Variants in TRPM2 observed in about 807,000 individuals in gnomAD.
The protein encoded by TRPM2 is estrogen-responsive element-associated gene 1 protein.
In TRPM2, 161 loss-of-function variants were observed where a neutral mutation model predicts 174.0. The ratio of observed to expected loss-of-function variants is 0.93; its 90% CI spans 0.81 to 1.05. The LOEUF is 1.05. Ranked by LOEUF, TRPM2 falls within the 50% of genes least tolerant of loss-of-function variation. The pLI, the probability that TRPM2 is intolerant of heterozygous loss-of-function variation, is 0.00. For synonymous variants in TRPM2, 954 were observed against 861.3 expected, an observed-to-expected ratio of 1.11 and a Z score of -1.88; for missense variants, 2,057 against 2,038.0, an observed-to-expected ratio of 1.01 and a Z score of -0.18.
At position 44,429,037 on chromosome 21, in the gene TRPM2, A is replaced by G. The variant is rs75780517; in HGVS notation, c.3974+1926A>G. Among the ~76,000 whole-genome samples the G allele has an allele frequency of 7.2e-3, 1,093 of 152,356 alleles. 12 individuals carry two copies. Among genetic ancestry groups the G allele is most frequent in the Non-Finnish European group, 8.5e-3 (581 of 68,030 alleles). ...TTTAAAAGCCAGTTTTTCTAGCTCC[A>G]TGACAAATCCATTGATAAGAATTGT... is the stretch of plus-strand genomic sequence containing the variant. On this transcript the variant is annotated intron_variant, in intron 27 of 31. Coordinates refer to ENST00000397928, the MANE Select transcript of TRPM2 (RefSeq NM_003307.4).
At chr21:44,378,728 T>C (rs1355384836) in intron 7 of TRPM2, among the ~76,000 whole-genome samples, 2 of 152,220 alleles carry the variant, frequency 1.3e-5, no homozygotes, top group Non-Finnish European at 2.9e-5. Flanking sequence ...CCCTCACGTC[T>C]GCAGGTCCAT....
At chr21:44,382,915 A>G (rs748098612) in intron 9 of TRPM2, 95 bp downstream of exon 9, 8 of 1,265,938 alleles carry the variant, frequency 6.3e-6, no homozygotes, top group Non-Finnish European at 8.9e-6. Context: ...TGATTCTGGG[A>G]ACCAGAATAT....
chr21:44,426,915 G>A (rs1317106336), intron 26 of TRPM2, 95 bp from the exon 27 acceptor site: 16 of 1,401,246 alleles, frequency 1.1e-5, no homozygotes, highest in South Asian at 1.0e-4. Flanking sequence ...GCAGCTACTC[G>A]GCTGGGCCCT....
rs752773465 is a variant in TRPM2 at position 44,391,349 on chromosome 21, C to T, written c.1518C>T (p.Asn506=). The T allele has an allele frequency of 3.7e-6, 6 of 1,614,172 alleles. No individual in the cohort carries two copies. Among genetic ancestry groups the T allele is most frequent in the South Asian group, 1.1e-5 (1 of 91,088 alleles). Residue 506 remains asparagine, a synonymous_variant, in exon 11 of 32, where the codon AAC becomes AAT. Coordinates refer to ENST00000397928, the MANE Select transcript of TRPM2 (RefSeq NM_003307.4). The surrounding 1 kb of genome is among the most constrained non-coding windows in gnomAD (Gnocchi z 5.0). ...AGTTTGTGAAGCTCTTCCTGGAGAA[C>T]GGGGTGCAGCTGAAGGAGTTTGTCA... The part of the protein sequence containing the change: ...KPEFVKLFLE[N]GVQLKEFVTW...
intron 19 of TRPM2, among the ~76,000 whole-genome samples, chr21:44,410,876 T>C (rs1785449): frequency 0.46 from 7,972 of 17,436 alleles, 2,971 homozygotes; most frequent in African/African-American, 0.68. Context: ...GTGAGCGTAG[T>C]CTTGTAGTAA....
chr21:44,369,436 G>GC, intron 5 of TRPM2, 93 bp downstream of exon 5: 1 of 1,439,892 alleles, frequency 6.9e-7, no homozygotes, highest in Non-Finnish European at 9.2e-7. Context: ...GTGTACGGGG[G>GC]CCGGGGTGTG....
At chr21:44,389,936 G>T (rs568392182) in intron 9 of TRPM2, among the ~76,000 whole-genome samples, 7 of 149,902 alleles carry the variant, frequency 4.7e-5, no homozygotes, top group Non-Finnish European at 1.0e-4. Context: ...GCAGTGGCGC[G>T]ATCTCGGATC....
At position 44,406,752 on chromosome 21, in the gene TRPM2, G is replaced by T. The variant is rs746637014; in HGVS notation, c.2949G>T (p.Pro983=). Residue 983 remains proline (P), a synonymous_variant, in exon 19 of 32, where the codon CCG becomes CCT. Transcript: ENST00000397928. ...ACCTCACCATCTTCGGGCAGATCCC[G>T]GGCTACATCGACGGTAGGAGCCGGG... ...HSYLTIFGQI[P]GYIDGVNFNP... 1 of 1,604,190 alleles carries T rather than the reference G, an allele frequency of 6.2e-7. No homozygotes were observed. Among genetic ancestry groups the T allele is most frequent in the South Asian group, 1.1e-5 (1 of 90,108 alleles).
At chr21:44,393,647 C>T (rs567549919) in intron 11 of TRPM2, among the ~76,000 whole-genome samples, 2 of 152,114 alleles carry the variant, frequency 1.3e-5, no homozygotes, top group South Asian at 4.2e-4. Flanking sequence ...CCCTGTGAGT[C>T]CATCTGGACC....
rs752494920 is a variant in TRPM2, at chr21:44,382,784, G to A, written c.1282G>A (p.Asp428Asn). Residue 428 changes from aspartate to asparagine, a missense_variant, in exon 9 of 32, where the codon GAC becomes AAC. Asp to Asn is a conservative substitution (Grantham distance 23, BLOSUM62 1). Coordinates refer to ENST00000397928, the MANE Select transcript of TRPM2 (RefSeq NM_003307.4). ...CCGGGAAGGCAAGGATGGTCAGCAGGACGTGGATGTGGCCATCTTGCAGGC... is the reference window on the plus strand; with the variant it reads ...CCGGGAAGGCAAGGATGGTCAGCAGAACGTGGATGTGGCCATCTTGCAGGC... ...VFREGKDGQQ[D>N]VDVAILQALL... is the part of the protein sequence containing the mutation. 6.2e-7 allele frequency: 1 copy of A among 1,614,020 alleles called. No homozygotes were observed. Among genetic ancestry groups the A allele is most frequent in the Non-Finnish European group, 8.5e-7 (1 of 1,180,008 alleles).
rs760415973 is a variant in TRPM2 at position 44,391,325 on chromosome 21, G to A, written c.1494G>A (p.Glu498=). 3 of 1,614,036 alleles carry A rather than the reference G, an allele frequency of 1.9e-6. No individual in the cohort carries two copies. The highest frequency in any genetic ancestry group is 2.5e-6 in the Non-Finnish European group (3 of 1,180,052). The change falls in exon 11 of 32, where the codon GAG becomes GAA. Residue 498 remains glutamate (E), a synonymous_variant. Transcript: ENST00000397928. This position sits in a 1 kb window ranked among gnomAD's most constrained non-coding sequence, Gnocchi z 5.0. ...CTGCACTCATCTCCAACAAGCCTGA[G>A]TTTGTGAAGCTCTTCCTGGAGAACG... ...MTAALISNKP[E]FVKLFLENGV...
intron 2 of TRPM2, among the ~76,000 whole-genome samples, chr21:44,358,118 G>T (rs1007945256): frequency 6.6e-6 from 1 of 152,086 alleles, no homozygotes; most frequent in South Asian, 2.1e-4. Flanking sequence ...GGAGCCCCTC[G>T]ACACCCGCCC....
rs1376560656 is a variant in TRPM2 at position 44,362,896 on chromosome 21, C to T, written c.255-1218C>T. On this transcript the variant is annotated intron_variant, in intron 2 of 31. Transcript: ENST00000397928. ...TCAAGCGAGTCTCCTGCCTCAGCGT[C>T]CCGAGTGGCTGGGGTTACAGGCTGC... Among the ~76,000 whole-genome samples the T allele has an allele frequency of 2.6e-5, 4 of 152,254 alleles. No homozygotes were observed. The South Asian group carries it at 8.3e-4, about 32-fold the overall frequency.
intron 2 of TRPM2, among the ~76,000 whole-genome samples, chr21:44,355,311 G>A (rs1233361269): frequency 1.3e-5 from 2 of 152,178 alleles, no homozygotes; most frequent in Non-Finnish European, 2.9e-5. Context: ...CTCCGGAGCC[G>A]ATGGTGCTCC....
intron 22 of TRPM2, among the ~76,000 whole-genome samples, chr21:44,421,266 T>C (rs983200001): frequency 1.3e-4 from 20 of 151,612 alleles, no homozygotes; most frequent in African/African-American, 4.8e-4. Flanking sequence ...TGCAGTGAGC[T>C]GAGATCGCGC....
intron 21 of TRPM2, 76 bp from the exon 22 acceptor site, chr21:44,418,347 C>T (rs2050389490): frequency 3.2e-6 from 5 of 1,573,334 alleles, no homozygotes; most frequent in Non-Finnish European, 4.3e-6. Context: ...CCACGGGGCC[C>T]CCCCGGTGGG....
At position 44,379,025 on chromosome 21, in the gene TRPM2, C is replaced by G. The variant is rs1356473439; in HGVS notation, c.1043C>G (p.Thr348Ser). ...ATCGACAACGCCACCACCAACGGCA[C>G]CCCCTGTGTGGTTGTGGAGGGCTCG... ...HTIDNATTNG[T>S]PCVVVEGSGR... The change falls in exon 8 of 32, where the codon ACC becomes AGC. Residue 348 changes from threonine (T) to serine (S), a missense_variant. Transcript: ENST00000397928. 1.9e-6 allele frequency: 3 copies of G among 1,608,788 alleles called. No individual in the cohort carries two copies. Among genetic ancestry groups the G allele is most frequent in the African/African-American group, 1.3e-5 (1 of 74,944 alleles).
At position 44,432,636 on chromosome 21, in the gene TRPM2, A is replaced by G. The variant is rs528348738; in HGVS notation, c.3975-2495A>G. Among the ~76,000 whole-genome samples the G allele has an allele frequency of 6.6e-6, 1 of 152,248 alleles. No homozygotes were observed. Among genetic ancestry groups the G allele is most frequent in the South Asian group, 2.1e-4 (1 of 4,822 alleles). On this transcript the variant is annotated intron_variant, in intron 27 of 31. Coordinates refer to ENST00000397928, the MANE Select transcript of TRPM2 (RefSeq NM_003307.4). The surrounding 1 kb of genome is among the most constrained non-coding windows in gnomAD (Gnocchi z 4.9). Reference sequence around the variant, plus strand: ...CCTGCCCTCTTGCATTGCTCCTGCCAACATAAACTAAACAAGCCCCTGCCC... The same window carrying G: ...CCTGCCCTCTTGCATTGCTCCTGCCGACATAAACTAAACAAGCCCCTGCCC...
At position 44,439,050 on chromosome 21, in the gene TRPM2, GTCC is replaced by G; in HGVS notation, c.4168-14_4168-12del. ...TTCGGTGCCCTGTTGACCTGCCTCCGTCCTCTGTCTGTCCAGGGCTCCCGGGAG... is the reference window on the plus strand; with the variant it reads ...TTCGGTGCCCTGTTGACCTGCCTCCGTCTGTCTGTCCAGGGCTCCCGGGAG... On this transcript the variant is annotated splice_polypyrimidine_tract_variant and intron_variant, in intron 29 of 31. Transcript: ENST00000397928. This position sits in a 1 kb window ranked among gnomAD's most constrained non-coding sequence, Gnocchi z 5.1. 1 of 1,608,442 alleles carries G rather than the reference GTCC, an allele frequency of 6.2e-7. No individual in the cohort carries two copies. Among genetic ancestry groups the G allele is most frequent in the South Asian group, 1.1e-5 (1 of 90,938 alleles).
Sources: gnomAD v4.1 joint callset for allele counts (sites outside exome capture counted in the v4.1 genomes callset) on GRCh38, gnomAD v4.1.1 for gene constraint, Gnocchi (gnomAD v3.1) non-coding constraint, MANE v1.5 for transcripts, NCBI Gene and HGNC (gene_info 2026-07-23, HGNC 2026-07-21) for gene names.